The following NLRP12 variants were observed in gnomAD, a reference collection of about 807,000 sequenced individuals.
The protein encoded by NLRP12 is NACHT, LRR and PYD domains-containing protein 12.
In NLRP12, 108 loss-of-function variants were observed where a neutral mutation model predicts 91.2. The observed-to-expected ratio is 1.18, with a 90% confidence interval of 1.01 to 1.39. The LOEUF is 1.39. NLRP12 is among the 40% of genes most tolerant of loss of function. The probability of loss-of-function intolerance (pLI) is 0.00; values close to 1 mark genes in which losing one functional copy is unlikely to be tolerated. For synonymous variants in NLRP12, 613 were observed against 566.7 expected (o/e 1.08, Z -1.16); for missense variants, 1,530 against 1,352.7 (o/e 1.13, Z -2.06).
intron 7 of NLRP12, among the ~76,000 whole-genome samples, chr19:53,800,676 G>A (rs541497882): frequency 1.9e-4 from 29 of 151,036 alleles, no homozygotes; most frequent in African/African-American, 6.5e-4. Flanking sequence ...TCCACCTCCC[G>A]GGTTCAACGG....
intron 5 of NLRP12, 35 bp from the exon 6 acceptor site, chr19:53,804,157 C>CG (rs1242130142): frequency 7.5e-6 from 12 of 1,610,506 alleles, no homozygotes; most frequent in South Asian, 1.1e-5. Flanking sequence ...GGGACGCCAT[C>CG]TTGCTTTTCT....
intron 7 of NLRP12, among the ~76,000 whole-genome samples, chr19:53,799,370 G>A (rs1015039071): frequency 6.6e-6 from 1 of 152,048 alleles, no homozygotes; most frequent in Non-Finnish European, 1.5e-5. Flanking sequence ...AATACACAAA[G>A]TGTGTTTTTT....
chr19:53,809,268 C>G (rs1476900794), intron 3 of NLRP12, among the ~76,000 whole-genome samples: 1 of 150,476 alleles, frequency 6.6e-6, no homozygotes, highest in East Asian at 2.0e-4. Context: ...TGCAGTGGCT[C>G]ATGCCTGTAA....
In NLRP12 at chr19:53,823,908, T is replaced by C. The variant is rs1555800224; in HGVS notation, c.267A>G (p.Gly89=). ...TACCCCTCACCAGGTCCTCTCTCTG[T>C]CCTCTCTCCCACAGGTCCTTCCTGT... ...RINRKDLWER[G]QREDLVRDTP... is the part of the protein sequence containing the mutation. The change falls in exon 1 of 10, where the codon GGA becomes GGG. Residue 89 remains glycine, a synonymous_variant. Coordinates refer to ENST00000324134, the MANE Select transcript of NLRP12 (RefSeq NM_144687.4). The C allele has an allele frequency of 5.0e-6, 8 of 1,613,892 alleles. No homozygotes were observed. Among genetic ancestry groups the C allele is most frequent in the Non-Finnish European group, 6.8e-6 (8 of 1,180,026 alleles).
Position 53,809,567 on chromosome 19 carries a change from G to C in NLRP12, c.2072+20C>G. The C allele has an allele frequency of 6.4e-6, 10 of 1,564,036 alleles. No individual in the cohort carries two copies. The highest frequency in any genetic ancestry group is 8.8e-6 in the Non-Finnish European group (10 of 1,139,906). The stretch of plus-strand genomic sequence containing the variant: ...CACACGAACCTAAGCAGCCCCAGGG[G>C]ATACCCCAGGGATACTTACAGCTGC... On this transcript the variant is annotated intron_variant, in intron 3 of 9. Coordinates refer to ENST00000324134, the MANE Select transcript of NLRP12 (RefSeq NM_144687.4).
At chr19:53,802,088 G>A (rs527297706) in intron 6 of NLRP12, among the ~76,000 whole-genome samples, 24 of 151,878 alleles carry the variant, frequency 1.6e-4, no homozygotes, top group African/African-American at 4.1e-4. Context: ...TTAGCTGGGC[G>A]TGGTGGCGCA....
intron 1 of NLRP12, among the ~76,000 whole-genome samples, chr19:53,817,135 C>CA (rs1027539817): frequency 1.1e-4 from 16 of 150,128 alleles, no homozygotes; most frequent in South Asian, 6.3e-4. Context: ...ACTAAAAATA[C>CA]AAAAAAAAAT....
At position 53,821,666 on chromosome 19, in the gene NLRP12, TCAA is replaced by T. The variant is rs200240592; in HGVS notation, c.289+2217_289+2219del. On this transcript the variant is annotated intron_variant, in intron 1 of 9. Transcript: ENST00000324134. ...CTGGGCGACAGAGCAAGACTCTGTTTCAACAACAACAACAAAAAGAAATCCAAG... is the reference window on the plus strand; with the variant it reads ...CTGGGCGACAGAGCAAGACTCTGTTTCAACAACAACAAAAAGAAATCCAAG... 2.1e-3 allele frequency among the ~76,000 whole-genome samples: 315 copies of T among 152,088 alleles called. 3 individuals are homozygous for T. Among genetic ancestry groups the T allele is most frequent in the African/African-American group, 7.0e-3 (291 of 41,504 alleles).
intron 4 of NLRP12, among the ~76,000 whole-genome samples, chr19:53,806,088 G>A (rs1322852566): frequency 6.6e-6 from 1 of 151,702 alleles, no homozygotes; most frequent in East Asian, 2.0e-4. Flanking sequence ...ACAAAAATTA[G>A]CTGGGTGTGG....
rs1250584538 is a variant in NLRP12 at position 53,823,501 on chromosome 19, TA to T, written c.289+384del. Among the ~76,000 whole-genome samples the T allele has an allele frequency of 3.6e-3, 170 of 47,256 alleles. 4 individuals carry two copies. The highest frequency in any genetic ancestry group is 0.014 in the African/African-American group (150 of 10,982). The allele number at this position is 47,256 out of a possible 152,430, so 31.0% of individuals were successfully genotyped here. On this transcript the variant is annotated intron_variant, in intron 1 of 9. Transcript: ENST00000324134. Reference sequence around the variant, plus strand: ...ATATATATTTTAAAATATATTTATTTAAAATATATATTTAAAACATATATTT... The same window carrying T: ...ATATATATTTTAAAATATATTTATTTAAATATATATTTAAAACATATATTT...
intron 4 of NLRP12, among the ~76,000 whole-genome samples, chr19:53,807,212 C>A (rs112792284): frequency 0.028 from 4,196 of 152,174 alleles, 88 homozygotes; most frequent in Non-Finnish European, 0.043. Context: ...GGATTACAGG[C>A]GCCCGCCACC....
At chr19:53,819,529 G>GTATATACATGCGTATATA (rs1377215335) in intron 1 of NLRP12, among the ~76,000 whole-genome samples, 1 of 28,300 alleles carries the variant, frequency 3.5e-5, no homozygotes. Flanking sequence ...GTATATATGT[G>GTATATACATGCGTATATA]TGTATGTATA....
At position 53,809,979 on chromosome 19, in the gene NLRP12, G is replaced by A. The variant is rs1218675627; in HGVS notation, c.1680C>T (p.Ser560=). ...FSERSFLALT[S]RFLFGLLNEE... is the part of the protein sequence containing the mutation. ...CGTTCAGGAGTCCAAACAGGAAGCG[G>A]CTGGTGAGTGCCAGGAAGCTCCTTT... is the stretch of plus-strand genomic sequence containing the variant. The change falls in exon 3 of 10, where the codon AGC becomes AGT. Residue 560 remains serine, a synonymous_variant. Transcript: ENST00000324134. 6.2e-7 allele frequency: 1 copy of A among 1,614,012 alleles called. No individual in the cohort carries two copies. Among genetic ancestry groups the A allele is most frequent in the Non-Finnish European group, 8.5e-7 (1 of 1,180,044 alleles).
At position 53,810,802 on chromosome 19, in the gene NLRP12, G is replaced by A. The variant is rs201940393; in HGVS notation, c.857C>T (p.Pro286Leu). Reference sequence around the variant, plus strand: ...GTCGATGATGAAAAGGAGGCGCTCGGGAACTCGGATGAGCTCCTGGAGAGG... The same window carrying A: ...GTCGATGATGAAAAGGAGGCGCTCGAGAACTCGGATGAGCTCCTGGAGAGG... ...SAPLQELIRVPERLLFIIDGF... is the reference protein window; with the variant it reads ...SAPLQELIRVLERLLFIIDGF... Residue 286 changes from proline to leucine, a missense_variant, in exon 3 of 10, where the codon CCC becomes CTC. Pro to Leu is a moderately conservative substitution (Grantham distance 98). Transcript: ENST00000324134. 1.7e-4 allele frequency: 279 copies of A among 1,613,994 alleles called. No homozygotes were observed. Among genetic ancestry groups the A allele is most frequent in the Admixed American group, 6.7e-4 (40 of 59,962 alleles).
At position 53,811,026 on chromosome 19, in the gene NLRP12, G is replaced by A; in HGVS notation, c.633C>T (p.Arg211=). ...CTGCCGCGCCTTGCATGACCACGGT[G>A]CGCGGTGGCTCGGGGCGCTCCTCGT... ...EPDEERPEPP[R]TVVMQGAAGI... is the part of the protein sequence containing the mutation. The change falls in exon 3 of 10, where the codon CGC becomes CGT. Residue 211 remains arginine (R), a synonymous_variant. Coordinates refer to ENST00000324134, the MANE Select transcript of NLRP12 (RefSeq NM_144687.4). 6.2e-7 allele frequency: 1 copy of A among 1,613,244 alleles called. No homozygotes were observed. The highest frequency in any genetic ancestry group is 8.5e-7 in the Non-Finnish European group (1 of 1,179,246).
chr19:53,815,927 T>C (rs1158325062), intron 1 of NLRP12, among the ~76,000 whole-genome samples: 1 of 149,468 alleles, frequency 6.7e-6, no homozygotes, highest in Non-Finnish European at 1.5e-5. Context: ...CTCTTAAAAA[T>C]ATTTTAATTT....
chr19:53,811,073 T>C lies in NLRP12; in HGVS notation c.586A>G (p.Ile196Val). The change falls in exon 3 of 10, where the codon ATA (isoleucine) becomes GTA (valine). Residue 196 changes from isoleucine to valine, a missense_variant. Physicochemically the swap from Ile to Val is conservative, Grantham distance 29. Coordinates refer to ENST00000324134, the MANE Select transcript of NLRP12 (RefSeq NM_144687.4). ...TCGTCTGGCTCAAAGAGGGTCTCTA[T>C]CTTGATGGGGCTAGCCTGGTGTCCC... ...TVGHQASPIK[I>V]ETLFEPDEER... 5 of 1,613,054 alleles carry C rather than the reference T, an allele frequency of 3.1e-6. No individual in the cohort carries two copies. Among genetic ancestry groups the C allele is most frequent in the Non-Finnish European group, 4.2e-6 (5 of 1,179,208 alleles).
At chr19:53,813,729 C>T (rs1345780053) in intron 2 of NLRP12, among the ~76,000 whole-genome samples, 3 of 152,094 alleles carry the variant, frequency 2.0e-5, no homozygotes, top group Non-Finnish European at 4.4e-5. Context: ...CTCACTCCCC[C>T]CAGGCTGGAG....
chr19:53,814,720 A>C (rs1335327412), intron 2 of NLRP12, among the ~76,000 whole-genome samples, 188 bp downstream of exon 2: 13 of 152,140 alleles, frequency 8.5e-5, no homozygotes, highest in Non-Finnish European at 4.4e-5. Context: ...AGGAGATGAC[A>C]CGTGTCAGGA....
Sources: allele counts gnomAD v4.1 joint callset (sites outside exome capture counted in the v4.1 genomes callset), GRCh38; gene constraint gnomAD v4.1.1; transcripts MANE v1.5; gene names NCBI Gene and HGNC (gene_info 2026-07-23, HGNC 2026-07-21).